The following NRXN3 variants were observed in gnomAD, a reference collection of about 807,000 sequenced individuals.
NRXN3 encodes the protein neurexin 3, also known as neurexin III.
Under a neutral mutation model 137.6 loss-of-function variants are expected in NRXN3, and 32 were observed. The observed-to-expected ratio is 0.23, with a 90% confidence interval of 0.18 to 0.31. The LOEUF is 0.31. NRXN3 is among the 10% of genes least tolerant of loss of function. The probability of loss-of-function intolerance (pLI) is 1.00; values close to 1 mark genes in which losing one functional copy is unlikely to be tolerated. For missense variants in NRXN3, 1,574 were observed against 2,062.5 expected, an observed-to-expected ratio of 0.76 and a Z score of 4.59; for synonymous variants, 798 against 784.5, an observed-to-expected ratio of 1.02 and a Z score of -0.29.
At chr14:79,406,148 A>G (rs941024497) in intron 15 of NRXN3, among the ~76,000 whole-genome samples, 10 of 151,944 alleles carry the variant, frequency 6.6e-5, no homozygotes, top group African/African-American at 2.2e-4. Context: ...AAGTGCCCCC[A>G]CCTGACATTC....
intron 15 of NRXN3, among the ~76,000 whole-genome samples, chr14:79,061,721 G>A (rs915686283): frequency 3.3e-5 from 5 of 152,120 alleles, no homozygotes; most frequent in African/African-American, 1.2e-4. Flanking sequence ...GTTTGTCTTT[G>A]CTAACCAAAC....
chr14:79,373,291 C>T (rs560597427), intron 15 of NRXN3, among the ~76,000 whole-genome samples: 4 of 152,018 alleles, frequency 2.6e-5, no homozygotes, highest in Non-Finnish European at 5.9e-5. Context: ...ATGGAAAACA[C>T]TCTATCAATT....
intron 15 of NRXN3, among the ~76,000 whole-genome samples, chr14:79,250,804 T>C (rs1278747307): frequency 6.6e-6 from 1 of 152,208 alleles, no homozygotes; most frequent in Non-Finnish European, 1.5e-5. Flanking sequence ...TTTCATGCAG[T>C]GGTGGCATTT....
intron 6 of NRXN3, among the ~76,000 whole-genome samples, chr14:78,698,905 C>A (rs1467887391): frequency 6.6e-6 from 1 of 152,006 alleles, no homozygotes; most frequent in Non-Finnish European, 1.5e-5. Context: ...TATTTTCAGG[C>A]AGAATAGATA....
intron 4 of NRXN3, among the ~76,000 whole-genome samples, chr14:78,482,382 C>T (rs1047743688): frequency 1.3e-5 from 2 of 152,162 alleles, no homozygotes; most frequent in African/African-American, 4.8e-5. Flanking sequence ...TATCCTGTCT[C>T]ATAATAGAAG....
intron 10 of NRXN3, among the ~76,000 whole-genome samples, chr14:78,827,314 CT>C (rs1417258873): frequency 6.6e-6 from 1 of 151,536 alleles, no homozygotes; most frequent in African/African-American, 2.4e-5. Flanking sequence ...AAATAATTAC[CT>C]ATTCACCATC....
At chr14:79,553,137 C>T (rs982349685) in intron 16 of NRXN3, among the ~76,000 whole-genome samples, 2 of 152,062 alleles carry the variant, frequency 1.3e-5, no homozygotes, top group African/African-American at 4.8e-5. Context: ...TCAAAGCAAT[C>T]AGTATGCCAA....
intron 16 of NRXN3, among the ~76,000 whole-genome samples, chr14:79,481,076 A>G (rs2096603638): frequency 6.6e-6 from 1 of 152,162 alleles, no homozygotes; most frequent in South Asian, 2.1e-4. Context: ...TGTAGTTCTA[A>G]GTGCTTGGGA....
Position 78,975,333 on chromosome 14 carries a change from T to C in NRXN3, c.3142+6987T>C, listed in dbSNP as rs140026433. 6.3e-3 allele frequency among the ~76,000 whole-genome samples: 959 copies of C among 152,274 alleles called. 12 individuals are homozygous for C. The highest frequency in any genetic ancestry group is 0.022 in the African/African-American group (904 of 41,556). On this transcript the variant is annotated intron_variant, in intron 14 of 20. Transcript: ENST00000335750. The stretch of plus-strand genomic sequence containing the variant: ...GTTTGAGCTGAGTCTGAAGGACAAG[T>C]ATGTTTTAGATGGATGAACGATGGA...
At chr14:78,625,582 G>A (rs1358629778) in intron 4 of NRXN3, among the ~76,000 whole-genome samples, 1 of 152,204 alleles carries the variant, frequency 6.6e-6, no homozygotes, top group Non-Finnish European at 1.5e-5. Flanking sequence ...CATCTGGGAA[G>A]GACTTGGACA....
chr14:78,342,774 C>T (rs1223258761), intron 4 of NRXN3, among the ~76,000 whole-genome samples: 1 of 152,174 alleles, frequency 6.6e-6, no homozygotes, highest in African/African-American at 2.4e-5. Context: ...GGTCCCCACC[C>T]ATCTCTGATG....
In NRXN3 at chr14:79,136,923, T is replaced by C. The variant is rs1246613182; in HGVS notation, c.3262+148782T>C. On this transcript the variant is annotated intron_variant, in intron 15 of 20. Coordinates refer to ENST00000335750, the MANE Select transcript of NRXN3 (RefSeq NM_001330195.2). ...GGATATGGAAAAGAGCTCAGAAAAC[T>C]ACAGGAGGCATCCATGGAACAACCA... Among the ~76,000 whole-genome samples the C allele has an allele frequency of 2.0e-5, 3 of 152,158 alleles. No individual in the cohort carries two copies. In the East Asian group the frequency reaches 5.8e-4, roughly 29 times the overall value.
intron 10 of NRXN3, among the ~76,000 whole-genome samples, chr14:78,943,089 G>T (rs552044418): frequency 6.6e-6 from 1 of 152,068 alleles, no homozygotes; most frequent in Admixed American, 6.5e-5. Context: ...TTATATGATG[G>T]TTCAGGGAGC....
chr14:79,750,436 G>C (rs1362896138), intron 19 of NRXN3, among the ~76,000 whole-genome samples: 1 of 152,114 alleles, frequency 6.6e-6, no homozygotes, highest in African/African-American at 2.4e-5. Flanking sequence ...TGCTGCTGCT[G>C]CCTTTGGACC....
rs146811118 is a variant in NRXN3 at position 79,720,365 on chromosome 14, C to T, written c.4014+22428C>T. 3.2e-3 allele frequency among the ~76,000 whole-genome samples: 493 copies of T among 152,084 alleles called. 5 individuals are homozygous for T. Among genetic ancestry groups the T allele is most frequent in the African/African-American group, 9.3e-3 (386 of 41,486 alleles). ...ATTACAATTCCAGGTGAGATTTGGG[C>T]GGGGACACAACCAAACCATATCAGG... On this transcript the variant is annotated intron_variant, in intron 19 of 20. Transcript: ENST00000335750.
chr14:79,026,958 A>AAC (rs1258096370), intron 15 of NRXN3, among the ~76,000 whole-genome samples: 30 of 200 alleles, frequency 0.15, no homozygotes, highest in Admixed American at 0.5. Flanking sequence ...TTTTATATAT[A>AAC]TATATATATA....
At chr14:79,850,089 G>A (rs942044582) in intron 20 of NRXN3, among the ~76,000 whole-genome samples, 1 of 152,144 alleles carries the variant, frequency 6.6e-6, no homozygotes, top group Non-Finnish European at 1.5e-5. Context: ...AAATGTTTTT[G>A]TATATTTCAT....
At chr14:79,726,892 C>T (rs372850883) in intron 19 of NRXN3, among the ~76,000 whole-genome samples, 5 of 151,878 alleles carry the variant, frequency 3.3e-5, no homozygotes, top group South Asian at 2.1e-4. Flanking sequence ...GGAAAGAGAC[C>T]GCTTTGAGGT....
chr14:79,529,629 A>G (rs1443670511), intron 16 of NRXN3, among the ~76,000 whole-genome samples: 1 of 152,280 alleles, frequency 6.6e-6, no homozygotes, highest in South Asian at 2.1e-4. Context: ...CACATTAAAA[A>G]TAAACTTTGA....
Sources: allele counts gnomAD v4.1 joint callset (sites outside exome capture counted in the v4.1 genomes callset), GRCh38; gene constraint gnomAD v4.1.1; transcripts MANE v1.5; gene names NCBI Gene and HGNC (gene_info 2026-07-23, HGNC 2026-07-21).